The following SLC16A3 variants were observed in gnomAD, a reference collection of about 807,000 sequenced individuals.
SLC16A3 encodes the protein monocarboxylate transporter 4.
Under a neutral mutation model 25.0 loss-of-function variants are expected in SLC16A3, and 22 were observed. That is an observed-to-expected ratio of 0.88 (90% CI 0.63 to 1.26). The LOEUF is 1.26. SLC16A3 is among the 50% of genes most tolerant of loss of function. The pLI is 0.00. For missense variants in SLC16A3, 731 were observed against 666.6 expected (o/e 1.10, Z -1.06); for synonymous variants, 390 against 309.2 (o/e 1.26, Z -2.74).
At chr17:82,235,289 G>A in intron 1 of SLC16A3, 1 of 153,742 alleles carries the variant, frequency 6.5e-6, no homozygotes, top group Admixed American at 6.5e-5. Context: ...AGGCAAGGGG[G>A]CATCCAGGGA....
At chr17:82,227,763 C>T (rs978320290), upstream of SLC16A3, among the ~76,000 whole-genome samples, 2 of 152,092 alleles carry the variant, frequency 1.3e-5, no homozygotes, top group African/African-American at 4.8e-5. Context: ...CTGTGTTCTG[C>T]TCACAGGCAC....
At chr17:82,221,035 T>C (rs1460826203) in intron 1 of SLC16A3, among the ~76,000 whole-genome samples, 9 of 151,874 alleles carry the variant, frequency 5.9e-5, no homozygotes, top group Non-Finnish European at 1.3e-4. Context: ...GCCAGGCTGG[T>C]CTCAAACTCC....
rs981102794 is a variant in SLC16A3, at chr17:82,219,675, G to A, written c.-27+1491G>A. Among the ~76,000 whole-genome samples, 4 of 152,228 alleles carry A rather than the reference G, an allele frequency of 2.6e-5. No homozygotes were observed. In the East Asian group the frequency reaches 5.8e-4, roughly 22 times the overall value. On this transcript the variant is annotated intron_variant, in intron 1 of 4. Coordinates refer to the SLC16A3 transcript ENST00000580098. Reference sequence around the variant, plus strand: ...CTGCTTGGCCCCGCCTCTCAGTCTCGGACTTGGGGAGGAGCAGCCAGGCCA... The same window carrying A: ...CTGCTTGGCCCCGCCTCTCAGTCTCAGACTTGGGGAGGAGCAGCCAGGCCA...
At chr17:82,238,186 C>T (rs542669991) in intron 4 of SLC16A3, among the ~76,000 whole-genome samples, 8 of 152,350 alleles carry the variant, frequency 5.3e-5, no homozygotes, top group African/African-American at 1.7e-4. Context: ...CAGCTCCAGG[C>T]AACCCAACAG....
chr17:82,223,845 T>C (rs563668542), upstream of SLC16A3, among the ~76,000 whole-genome samples: 9 of 152,104 alleles, frequency 5.9e-5, no homozygotes, highest in South Asian at 2.1e-4. Context: ...TCCAGCAGCA[T>C]TGACCCTGTC....
At chr17:82,219,466 C>T (rs1264710726) in intron 1 of SLC16A3, among the ~76,000 whole-genome samples, 1 of 152,134 alleles carries the variant, frequency 6.6e-6, no homozygotes, top group African/African-American at 2.4e-5. Flanking sequence ...CGTGGGGGCT[C>T]CCCAGGAGCC....
At position 82,238,944 on chromosome 17, in the gene SLC16A3, G is replaced by T; in HGVS notation, c.1366G>T (p.Glu456Ter). ...FLKAEPEKNG[E>*]VVHTPETSV ...GAAGGCTGAGCCTGAGAAAAACGGG[G>T]AGGTGGTTCACACCCCGGAAACAAG... Residue 456 changes from glutamate (E) to a stop codon, truncating the protein, a stop_gained, in exon 5 of 5, where the codon GAG (glutamate) becomes TAG (stop). Transcript: ENST00000582743. LOFTEE classifies it high-confidence loss of function. 1 of 1,562,692 alleles carries T rather than the reference G, an allele frequency of 6.4e-7. No homozygotes were observed. The highest frequency in any genetic ancestry group is 2.3e-5 in the East Asian group (1 of 43,548).
At chr17:82,220,733 G>T (rs2050383948) in intron 1 of SLC16A3, among the ~76,000 whole-genome samples, 1 of 152,136 alleles carries the variant, frequency 6.6e-6, no homozygotes. Flanking sequence ...CCGTTTATAA[G>T]TATCAATGCA....
chr17:82,225,063 C>T (rs1353787309), upstream of SLC16A3, among the ~76,000 whole-genome samples: 1 of 152,208 alleles, frequency 6.6e-6, no homozygotes, highest in Non-Finnish European at 1.5e-5. Flanking sequence ...GAGTTCAAGA[C>T]TAGCCTGGCC....
chr17:82,238,636 G>C lies in SLC16A3; in HGVS notation c.1124-66G>C, dbSNP rs1343011438. 37 of 1,506,056 alleles carry C rather than the reference G, an allele frequency of 2.5e-5. No homozygotes were observed. The South Asian group carries it at 3.2e-4, about 13-fold the overall frequency. 93.3% of individuals were successfully genotyped at this position (1,506,056 alleles called of 1,614,324 possible). A position where few individuals can be genotyped will look rare whatever the true frequency, so the allele number is the denominator to read the frequency against. ...TGCTGAGACACCGAGACACAGGCTT[G>C]GGTGGAGCCGTGGGCCCTGGGGGCA... On this transcript the variant is annotated intron_variant, in intron 4 of 4. Transcript: ENST00000582743.
At chr17:82,235,764 T>G (rs1209205287) in intron 1 of SLC16A3, 1 of 580,656 alleles carries the variant, frequency 1.7e-6, no homozygotes, top group African/African-American at 1.9e-5. Flanking sequence ...GCTGTGAGGG[T>G]GCAGGAGGCA....
chr17:82,234,047 AGCCAGGATG>A (rs2050550606), intron 1 of SLC16A3: 1 of 60,056 alleles, frequency 1.7e-5, no homozygotes, highest in Non-Finnish European at 4.2e-5. Flanking sequence ...TCACCGTGTT[AGCCAGGATG>A]GTCTCGATCT....
In SLC16A3 at chr17:82,237,883, C is replaced by T. The variant is rs772083559; in HGVS notation, c.1113C>T (p.Pro371=). The change falls in exon 4 of 5, where the codon CCC becomes CCT. Residue 371 remains proline, a synonymous_variant. Coordinates refer to ENST00000582743, the MANE Select transcript of SLC16A3 (RefSeq NM_004207.4). ...LMEAVAVLVG[P]PSGGKLLDAT... ...AGGCGGTGGCCGTGCTCGTCGGGCC[C>T]CCTTCGGGAGGTGAGCGCTGCGCCC... The T allele has an allele frequency of 1.3e-6, 2 of 1,599,012 alleles. No homozygotes were observed. The highest frequency in any genetic ancestry group is 1.7e-6 in the Non-Finnish European group (2 of 1,179,664).
chr17:82,217,979 T>C (rs1485788069), exon 1 of SLC16A3, among the ~76,000 whole-genome samples: 2 of 152,230 alleles, frequency 1.3e-5, no homozygotes, highest in African/African-American at 4.8e-5. Context: ...ACAGCCTGGC[T>C]GCTGTCCTCA....
chr17:82,232,165 C>T (rs1212672676), intron 1 of SLC16A3: 2 of 152,138 alleles, frequency 1.3e-5, no homozygotes, highest in South Asian at 2.1e-4. Flanking sequence ...AACGAATTAC[C>T]CTTTTCCTGC....
At chr17:82,223,699 G>A (rs2050402661), upstream of SLC16A3, among the ~76,000 whole-genome samples, 1 of 151,888 alleles carries the variant, frequency 6.6e-6, no homozygotes, top group Admixed American at 6.6e-5. Flanking sequence ...TTTTTTGGTA[G>A]AAATTCGGTT....
Position 82,223,187 on chromosome 17 carries a change from A to G in SLC16A3, c.-27+5003A>G, listed in dbSNP as rs2050399902. ...CTACCTTAATTAATTAATTATTATT[A>G]TTATTATTTCTGAGACGGAGTTTCG... On this transcript the variant is annotated intron_variant, in intron 1 of 4. Transcript: ENST00000580098. 1.3e-5 allele frequency among the ~76,000 whole-genome samples: 2 copies of G among 150,874 alleles called. 1 individual carries two copies. Among genetic ancestry groups the G allele is most frequent in the South Asian group, 4.2e-4 (2 of 4,790 alleles).
upstream of SLC16A3, among the ~76,000 whole-genome samples, chr17:82,228,076 C>G (rs927963374): frequency 9.9e-5 from 15 of 152,194 alleles, no homozygotes; most frequent in Non-Finnish European, 1.8e-4. Context: ...CCGAAGCCCC[C>G]GGGTCCGGGA....
At chr17:82,226,992 G>C (rs2050426539), upstream of SLC16A3, among the ~76,000 whole-genome samples, 1 of 152,152 alleles carries the variant, frequency 6.6e-6, no homozygotes, top group Non-Finnish European at 1.5e-5. Flanking sequence ...CCACAGACTT[G>C]ACCTCTCTGC....
Sources: allele counts gnomAD v4.1 joint callset (sites outside exome capture counted in the v4.1 genomes callset), GRCh38; gene constraint gnomAD v4.1.1; transcripts MANE v1.5; gene names NCBI Gene and HGNC (gene_info 2026-07-23, HGNC 2026-07-21).